Variants in NMU observed in about 807,000 individuals in gnomAD.
NMU encodes the protein neuromedin U.
In NMU, 29 loss-of-function variants were observed where a neutral mutation model predicts 35.4. The ratio of observed to expected loss-of-function variants is 0.82; its 90% CI spans 0.61 to 1.12. The LOEUF (loss-of-function observed/expected upper bound fraction) is 1.12. Ranked by LOEUF, NMU falls within the 50% of genes most tolerant of loss-of-function variation. The pLI is 0.00. For missense variants in NMU, 199 were observed against 206.2 expected (o/e 0.97, Z 0.21); for synonymous variants, 78 against 81.3 (o/e 0.96, Z 0.22).
intron 9 of NMU, among the ~76,000 whole-genome samples, chr4:55,597,673 T>C (rs1459820014): frequency 1.3e-5 from 2 of 152,136 alleles, no homozygotes. Context: ...GCCGCGGGTA[T>C]AGTTTCTAGA....
rs755169624 is a variant in NMU, at chr4:55,616,372, C to A, written c.185G>T (p.Cys62Phe). 4 of 1,611,534 alleles carry A rather than the reference C, an allele frequency of 2.5e-6. No homozygotes were observed. The highest frequency in any genetic ancestry group is 2.7e-5 in the African/African-American group (2 of 74,872). The change falls in exon 3 of 10, where the codon TGT becomes TTT. Residue 62 changes from cysteine (C) to phenylalanine (F), a missense_variant. Cys to Phe is a radical substitution (Grantham distance 205, BLOSUM62 -2). Coordinates refer to ENST00000264218, the MANE Select transcript of NMU (RefSeq NM_006681.4). Reference sequence around the variant, plus strand: ...AGAATCAATGGACAGAAAAGACGAACAAGTATCATCTATCTGTAGAAAACA... The same window carrying A: ...AGAATCAATGGACAGAAAAGACGAAAAAGTATCATCTATCTGTAGAAAACA... ...LQLWNEIDDTCSSFLSIDSQP... is the reference protein window; with the variant it reads ...LQLWNEIDDTFSSFLSIDSQP...
chr4:55,596,773 A>G (rs1404999657), intron 9 of NMU, among the ~76,000 whole-genome samples: 1 of 152,138 alleles, frequency 6.6e-6, no homozygotes, highest in Non-Finnish European at 1.5e-5. Flanking sequence ...TTCTAATTGA[A>G]TTGGCTAACA....
chr4:55,626,194 A>G (rs902039220), intron 2 of NMU, among the ~76,000 whole-genome samples: 5 of 152,212 alleles, frequency 3.3e-5, no homozygotes, highest in African/African-American at 7.2e-5. Flanking sequence ...GTAGAAAGTG[A>G]CACTTTGCTC....
chr4:55,609,354 G>T (rs370856886), intron 3 of NMU, among the ~76,000 whole-genome samples, 175 bp from the exon 4 acceptor site: 61 of 150,880 alleles, frequency 4.0e-4, no homozygotes, highest in African/African-American at 1.4e-3. Flanking sequence ...CAAAAACTTG[G>T]CTGTAAAAGT....
chr4:55,618,395 C>T (rs1323075514), intron 2 of NMU, among the ~76,000 whole-genome samples: 3 of 152,044 alleles, frequency 2.0e-5, no homozygotes, highest in African/African-American at 4.8e-5. Context: ...CGACAGGCTC[C>T]GGTGTGTGAT....
rs1715878111 is a variant in NMU, at chr4:55,635,765, G to T, written c.112+316C>A. Among the ~76,000 whole-genome samples the T allele has an allele frequency of 1.3e-5, 2 of 152,248 alleles. 1 individual carries two copies. The highest frequency in any genetic ancestry group is 4.8e-5 in the African/African-American group (2 of 41,468). On this transcript the variant is annotated intron_variant, in intron 1 of 9. Coordinates refer to ENST00000264218, the MANE Select transcript of NMU (RefSeq NM_006681.4). The stretch of plus-strand genomic sequence containing the variant: ...AGTACCCGTTTCCACGGGCCGGGGG[G>T]TCTGGAAATCCCGAGGATGAGGGAA...
intron 2 of NMU, among the ~76,000 whole-genome samples, chr4:55,623,913 T>C (rs1305554950): frequency 5.5e-5 from 2 of 36,648 alleles, no homozygotes; most frequent in African/African-American, 8.3e-5. Context: ...AAACAAGCAA[T>C]GGGGAAAGGA....
At chr4:55,595,623 G>A (rs200470369) in intron 9 of NMU, among the ~76,000 whole-genome samples, 60 of 102,156 alleles carry the variant, frequency 5.9e-4, no homozygotes, top group Middle Eastern at 0.013. Context: ...GTGTGTGTGT[G>A]TATATATATA....
chr4:55,600,575 C>T lies in NMU; in HGVS notation c.436G>A (p.Glu146Lys). The T allele has an allele frequency of 6.2e-7, 1 of 1,606,810 alleles. No individual in the cohort carries two copies. The highest frequency in any genetic ancestry group is 8.5e-7 in the Non-Finnish European group (1 of 1,173,776). ...CTTGCAAAGGGACTTTGGAATTCTT[C>T]CTAGAAGAGAAAATGAGGGCATTAC... ...ERRMKRFRVD[E>K]EFQSPFASQS... Residue 146 changes from glutamate to lysine, a missense_variant and splice_region_variant, in exon 8 of 10, where the codon GAA becomes AAA. Transcript: ENST00000264218.
chr4:55,625,862 T>G lies in NMU; in HGVS notation c.171+4540A>C, dbSNP rs149181984. On this transcript the variant is annotated intron_variant, in intron 2 of 9. Coordinates refer to ENST00000264218, the MANE Select transcript of NMU (RefSeq NM_006681.4). ...TAGTGTGTTGCTTCAAGTGCTGTAG[T>G]AGATTCTATGATGTGTGCCCACCAC... is the stretch of plus-strand genomic sequence containing the variant. Among the ~76,000 whole-genome samples, 172 of 151,926 alleles carry G rather than the reference T, an allele frequency of 1.1e-3. 1 individual carries two copies. Among genetic ancestry groups the G allele is most frequent in the African/African-American group, 3.8e-3 (158 of 41,402 alleles).
intron 7 of NMU, among the ~76,000 whole-genome samples, chr4:55,602,804 T>C (rs2110184223): frequency 6.6e-6 from 1 of 152,314 alleles, no homozygotes; most frequent in Non-Finnish European, 1.5e-5. Flanking sequence ...ATTGTCTTCT[T>C]TGATGGAAAC....
chr4:55,608,116 A>G (rs2082617196), intron 4 of NMU, among the ~76,000 whole-genome samples: 1 of 144,512 alleles, frequency 6.9e-6, no homozygotes, highest in Admixed American at 7.4e-5. Context: ...CGGAGCTTGC[A>G]GTGAGCCGAG....
At chr4:55,635,826 G>T (rs1577969507) in intron 1 of NMU, among the ~76,000 whole-genome samples, 1 of 152,250 alleles carries the variant, frequency 6.6e-6, no homozygotes, top group African/African-American at 2.4e-5. Flanking sequence ...CCGGCCCGGC[G>T]CAGGGTCTCC....
intron 1 of NMU, among the ~76,000 whole-genome samples, chr4:55,634,902 C>A (rs35462960): frequency 0.38 from 58,285 of 151,854 alleles, 11,377 homozygotes; most frequent in South Asian, 0.44. Flanking sequence ...ACACACACAC[C>A]CCCCTCCAAT....
intron 2 of NMU, among the ~76,000 whole-genome samples, chr4:55,627,579 A>G (rs1251279519): frequency 6.6e-6 from 1 of 152,166 alleles, no homozygotes; most frequent in Non-Finnish European, 1.5e-5. Flanking sequence ...TTTCTACTCC[A>G]TAAATTTAGA....
At chr4:55,603,771 G>A (rs1242520419) in intron 7 of NMU, among the ~76,000 whole-genome samples, 1 of 150,972 alleles carries the variant, frequency 6.6e-6, no homozygotes, top group Non-Finnish European at 1.5e-5. Context: ...AATTAGCCGG[G>A]CGTAGCGGCG....
chr4:55,635,855 G>A (rs1464662968), intron 1 of NMU, among the ~76,000 whole-genome samples: 2 of 152,250 alleles, frequency 1.3e-5, no homozygotes, highest in Non-Finnish European at 2.9e-5. Context: ...TCAACGAGCA[G>A]GGCCTGGGTA....
In NMU at chr4:55,595,366, C is replaced by T. The variant is rs545353886; in HGVS notation, c.*50G>A. On this transcript the variant is annotated 3_prime_UTR_variant, in exon 10 of 10. Transcript: ENST00000264218. ...TTCAGAAGAAAACAAAATGTCAGTACATTTTGTATTCCATAGCATTGCTCT... is the reference window on the plus strand; with the variant it reads ...TTCAGAAGAAAACAAAATGTCAGTATATTTTGTATTCCATAGCATTGCTCT... The T allele has an allele frequency of 6.6e-6, 1 of 152,068 alleles. No individual in the cohort carries two copies. Among genetic ancestry groups the T allele is most frequent in the Admixed American group, 6.6e-5 (1 of 15,200 alleles). 9.4% of individuals were successfully genotyped at this position (152,068 alleles called of 1,614,324 possible). A position where few individuals can be genotyped will look rare whatever the true frequency, so the allele number is the denominator to read the frequency against.
At chr4:55,607,369 GT>G in intron 5 of NMU, 21 bp from the exon 6 acceptor site, 1 of 1,542,314 alleles carries the variant, frequency 6.5e-7, no homozygotes, top group Non-Finnish European at 9.0e-7. Context: ...AAAGCAGTAA[GT>G]TTTACTATAA....
Sources: allele counts gnomAD v4.1 joint callset (sites outside exome capture counted in the v4.1 genomes callset), GRCh38; gene constraint gnomAD v4.1.1; transcripts MANE v1.5; gene names NCBI Gene and HGNC (gene_info 2026-07-23, HGNC 2026-07-21).